The following PKIG variants were observed in gnomAD, a reference collection of about 807,000 sequenced individuals.
The protein encoded by PKIG is cAMP-dependent protein kinase inhibitor gamma.
Under a neutral mutation model 6.8 loss-of-function variants are expected in PKIG, and 1 was observed. That is an observed-to-expected ratio of 0.15 (90% CI 0.05 to 0.69). The LOEUF is 0.69. Among genes scored for constraint, PKIG ranks in the 30% least tolerant of loss-of-function variants. The pLI is 0.82. For missense variants in PKIG, 77 were observed against 104.0 expected (o/e 0.74, Z 1.13); for synonymous variants, 39 against 43.0 (o/e 0.91, Z 0.36).
At chr20:44,559,141 G>A (rs77416286) in intron 1 of PKIG, among the ~76,000 whole-genome samples, 2,719 of 152,108 alleles carry the variant, frequency 0.018, 85 homozygotes, top group African/African-American at 0.062. Flanking sequence ...TTTTTAAAAG[G>A]TGCAGAATAT....
At chr20:44,566,211 A>T (rs967946756) in intron 1 of PKIG, among the ~76,000 whole-genome samples, 4 of 152,224 alleles carry the variant, frequency 2.6e-5, no homozygotes, top group Non-Finnish European at 5.9e-5. Flanking sequence ...ATTGGAATAC[A>T]GCTATGTTCA....
chr20:44,544,493 TTCTC>T (rs1196826518), intron 1 of PKIG, among the ~76,000 whole-genome samples: 1 of 152,188 alleles, frequency 6.6e-6, no homozygotes, highest in Non-Finnish European at 1.5e-5. Flanking sequence ...GCCTAGATCT[TTCTC>T]TCTTTCTGTT....
At chr20:44,573,057 G>T (rs991830621) in intron 1 of PKIG, among the ~76,000 whole-genome samples, 1 of 152,226 alleles carries the variant, frequency 6.6e-6, no homozygotes, top group African/African-American at 2.4e-5. Context: ...GCAGAGGCAC[G>T]CATGGCTCAT....
At chr20:44,609,189 A>G (rs2065192355) in intron 2 of PKIG, among the ~76,000 whole-genome samples, 1 of 152,172 alleles carries the variant, frequency 6.6e-6, no homozygotes, top group African/African-American at 2.4e-5. Context: ...CTGAGGGGAT[A>G]TGGTAGCCAG....
intron 1 of PKIG, among the ~76,000 whole-genome samples, chr20:44,567,766 CTG>C (rs2064822185): frequency 6.6e-6 from 1 of 152,234 alleles, no homozygotes; most frequent in Non-Finnish European, 1.5e-5. Flanking sequence ...GCCCTAGAGA[CTG>C]AGACTGTTCC....
intron 1 of PKIG, among the ~76,000 whole-genome samples, chr20:44,563,456 G>A (rs985051186): frequency 6.6e-6 from 1 of 152,050 alleles, no homozygotes; most frequent in Admixed American, 6.6e-5. Flanking sequence ...TTTTGTCTAG[G>A]TTCCCAGCTG....
At chr20:44,609,728 A>G (rs1022410487) in intron 2 of PKIG, among the ~76,000 whole-genome samples, 1 of 152,166 alleles carries the variant, frequency 6.6e-6, no homozygotes, top group African/African-American at 2.4e-5. Context: ...CTAACTGAGG[A>G]AGAGCCGAGG....
chr20:44,597,712 C>T (rs2065086648), intron 2 of PKIG, among the ~76,000 whole-genome samples: 1 of 152,116 alleles, frequency 6.6e-6, no homozygotes, highest in African/African-American at 2.4e-5. Flanking sequence ...CCCCGGGCCT[C>T]CTGCTGCGGA....
At chr20:44,597,361 G>A (rs760933926) in intron 2 of PKIG, among the ~76,000 whole-genome samples, 36 of 151,786 alleles carry the variant, frequency 2.4e-4, no homozygotes, top group Non-Finnish European at 4.3e-4. Context: ...TAAGAATTAC[G>A]GGCTTATGAA....
intron 2 of PKIG, among the ~76,000 whole-genome samples, chr20:44,611,063 T>A (rs1177025637): frequency 6.6e-6 from 1 of 151,116 alleles, no homozygotes; most frequent in East Asian, 1.9e-4. Flanking sequence ...TTTTTTTTTT[T>A]TTTTTTTGAG....
chr20:44,565,582 C>T (rs187968336), intron 1 of PKIG, among the ~76,000 whole-genome samples: 1 of 152,306 alleles, frequency 6.6e-6, no homozygotes, highest in East Asian at 1.9e-4. Flanking sequence ...GAAACTGTCC[C>T]ATAACAGTCC....
chr20:44,557,904 T>G (rs2064729090), intron 1 of PKIG, among the ~76,000 whole-genome samples: 1 of 152,144 alleles, frequency 6.6e-6, no homozygotes, highest in South Asian at 2.1e-4. Flanking sequence ...TTTGGATTCC[T>G]AAGGCTTTTC....
chr20:44,532,804 T>C (rs1456377944), intron 1 of PKIG, among the ~76,000 whole-genome samples: 1 of 152,188 alleles, frequency 6.6e-6, no homozygotes, highest in African/African-American at 2.4e-5. Context: ...TGTACCTTGC[T>C]GTGGGTAGAT....
intron 1 of PKIG, among the ~76,000 whole-genome samples, chr20:44,572,284 G>A (rs2064860342): frequency 6.6e-6 from 1 of 152,198 alleles, no homozygotes; most frequent in Non-Finnish European, 1.5e-5. Flanking sequence ...GGGATTACAG[G>A]CGTGAGCCAC....
At chr20:44,571,662 A>G (rs1176910456) in intron 1 of PKIG, among the ~76,000 whole-genome samples, 3 of 152,246 alleles carry the variant, frequency 2.0e-5, no homozygotes, top group Non-Finnish European at 4.4e-5. Flanking sequence ...CAGAACAGCA[A>G]TGCTTTTGCT....
intron 1 of PKIG, among the ~76,000 whole-genome samples, chr20:44,575,570 C>T (rs2064890150): frequency 6.6e-6 from 1 of 152,204 alleles, no homozygotes; most frequent in Non-Finnish European, 1.5e-5. Flanking sequence ...GGCCTCTGCC[C>T]TGCCTGGGAA....
At chr20:44,603,427 G>T (rs1291836744) in intron 2 of PKIG, among the ~76,000 whole-genome samples, 1 of 152,124 alleles carries the variant, frequency 6.6e-6, no homozygotes, top group African/African-American at 2.4e-5. Flanking sequence ...CTGAGGTGAG[G>T]GGAGTTGTGC....
chr20:44,583,141 G>A (rs2064962288), intron 1 of PKIG, among the ~76,000 whole-genome samples: 1 of 152,174 alleles, frequency 6.6e-6, no homozygotes, highest in African/African-American at 2.4e-5. Context: ...GTCTCCGAAA[G>A]TAGTGAAAAT....
intron 3 of PKIG, among the ~76,000 whole-genome samples, chr20:44,617,486 G>T (rs2123491692): frequency 6.6e-6 from 1 of 152,260 alleles, no homozygotes; most frequent in Admixed American, 6.5e-5. Flanking sequence ...TGGGTGGCAG[G>T]AGCTGCCTGT....
Sources: allele counts gnomAD v4.1 joint callset (sites outside exome capture counted in the v4.1 genomes callset), GRCh38; gene constraint gnomAD v4.1.1; transcripts MANE v1.5; gene names NCBI Gene and HGNC (gene_info 2026-07-23, HGNC 2026-07-21).